The following IKZF3 variants were observed in gnomAD, a reference collection of about 807,000 sequenced individuals.
The protein encoded by IKZF3 is zinc finger protein Aiolos.
In IKZF3, 10 loss-of-function variants were observed where a neutral mutation model predicts 49.0. The observed-to-expected ratio is 0.20, with a 90% confidence interval of 0.13 to 0.35. The LOEUF is 0.35. Ranked by LOEUF, IKZF3 falls within the 10% of genes least tolerant of loss-of-function variation. The probability of loss-of-function intolerance (pLI) is 1.00; values close to 1 mark genes in which losing one functional copy is unlikely to be tolerated. For synonymous variants in IKZF3, 209 were observed against 228.2 expected, an observed-to-expected ratio of 0.92 and a Z score of 0.76; for missense variants, 498 against 664.8, an observed-to-expected ratio of 0.75 and a Z score of 2.76.
chr17:39,824,581 C>A (rs954061719), intron 3 of IKZF3, among the ~76,000 whole-genome samples: 3 of 152,058 alleles, frequency 2.0e-5, no homozygotes, highest in Admixed American at 6.5e-5. Context: ...ATTATCCCCA[C>A]GTGTTGTGAG....
At position 39,794,310 on chromosome 17, in the gene IKZF3, C is replaced by G. The variant is rs560998813; in HGVS notation, c.164-1377G>C. 2.6e-5 allele frequency among the ~76,000 whole-genome samples: 4 copies of G among 152,236 alleles called. No homozygotes were observed. The South Asian group carries it at 8.3e-4, about 32-fold the overall frequency. On this transcript the variant is annotated intron_variant, in intron 3 of 7. Transcript: ENST00000346872. Reference sequence around the variant, plus strand: ...CTTACCAACTGTATTACACACCCTCCCATCAATGGTGTAAATGTTAAAACC... The same window carrying G: ...CTTACCAACTGTATTACACACCCTCGCATCAATGGTGTAAATGTTAAAACC...
intron 3 of IKZF3, among the ~76,000 whole-genome samples, chr17:39,829,009 A>T (rs1202718063): frequency 2.0e-5 from 3 of 152,132 alleles, no homozygotes; most frequent in African/African-American, 7.2e-5. Flanking sequence ...TCAAAAAAAA[A>T]TAATAATAAT....
chr17:39,776,775 A>G (rs999171061), intron 7 of IKZF3, among the ~76,000 whole-genome samples: 1 of 152,254 alleles, frequency 6.6e-6, no homozygotes, highest in African/African-American at 2.4e-5. Context: ...TAAATACAAA[A>G]GGACTGAAAT....
chr17:39,772,626 G>C (rs757191332), intron 7 of IKZF3, among the ~76,000 whole-genome samples: 1 of 152,134 alleles, frequency 6.6e-6, no homozygotes, highest in Non-Finnish European at 1.5e-5. Context: ...AGAGAGCTGT[G>C]GGGGTGGCAC....
intron 1 of IKZF3, chr17:39,839,635 G>C (rs2062406971): frequency 1.1e-5 from 4 of 371,536 alleles, no homozygotes; most frequent in Non-Finnish European, 2.1e-5. Context: ...CCAGGCTGGA[G>C]TGCAGTGGTA....
chr17:39,856,870 G>A (rs529768076), intron 1 of IKZF3, among the ~76,000 whole-genome samples: 1 of 151,782 alleles, frequency 6.6e-6, no homozygotes, highest in South Asian at 2.1e-4. Context: ...AAAAAGACCA[G>A]CAGCACCATG....
intron 3 of IKZF3, among the ~76,000 whole-genome samples, chr17:39,821,914 T>G (rs535119685): frequency 2.6e-5 from 4 of 152,102 alleles, no homozygotes; most frequent in Non-Finnish European, 5.9e-5. Context: ...AATAAATAAT[T>G]TAGGGGCAGT....
intron 3 of IKZF3, among the ~76,000 whole-genome samples, chr17:39,798,996 C>CGCGT (rs1555631871): frequency 2.0e-5 from 3 of 148,982 alleles, no homozygotes; most frequent in Non-Finnish European, 4.5e-5. Flanking sequence ...TGTGTGTGTG[C>CGCGT]GTGTGTGTGT....
At chr17:39,822,600 T>C (rs2061840176) in intron 3 of IKZF3, among the ~76,000 whole-genome samples, 1 of 148,198 alleles carries the variant, frequency 6.7e-6, no homozygotes, top group African/African-American at 2.6e-5. Flanking sequence ...TTTTTTTTTT[T>C]GAGATGGAGT....
intron 7 of IKZF3, among the ~76,000 whole-genome samples, chr17:39,774,969 T>C (rs2060541898): frequency 6.6e-6 from 1 of 152,200 alleles, no homozygotes; most frequent in South Asian, 2.1e-4. Flanking sequence ...TATCAATAAT[T>C]GCTGCCTTTT....
chr17:39,762,381 A>G lies in IKZF3; in HGVS notation c.*3409T>C, dbSNP rs973758664. 3 of 152,210 alleles carry G rather than the reference A, an allele frequency of 2.0e-5. No individual in the cohort carries two copies. Among genetic ancestry groups the G allele is most frequent in the Non-Finnish European group, 4.4e-5 (3 of 68,044 alleles). 9.4% of individuals were successfully genotyped at this position (152,210 alleles called of 1,614,324 possible). On this transcript the variant is annotated 3_prime_UTR_variant, in exon 8 of 8. Transcript: ENST00000346872. Reference sequence around the variant, plus strand: ...TAAGGATGCAGAGTTTCCACACATAAATTTTTTCTGGAATTGATGGGCCCC... The same window carrying G: ...TAAGGATGCAGAGTTTCCACACATAGATTTTTTCTGGAATTGATGGGCCCC...
chr17:39,792,534 G>T, intron 4 of IKZF3, 139 bp downstream of exon 4: 1 of 821,812 alleles, frequency 1.2e-6, no homozygotes, highest in Non-Finnish European at 1.9e-6. Flanking sequence ...TGAGTGAACA[G>T]CAATGCAGAG....
chr17:39,811,761 A>G (rs2144106546), intron 3 of IKZF3, among the ~76,000 whole-genome samples: 1 of 152,358 alleles, frequency 6.6e-6, no homozygotes, highest in African/African-American at 2.4e-5. Flanking sequence ...GGTTGGATGG[A>G]AAGGCAGAAA....
chr17:39,800,821 G>C (rs1269361349), intron 3 of IKZF3, among the ~76,000 whole-genome samples: 5 of 152,142 alleles, frequency 3.3e-5, no homozygotes, highest in Admixed American at 3.3e-4. Flanking sequence ...AAAAACAATG[G>C]GTCCTGGAAA....
At chr17:39,790,533 A>G (rs2060992378) in intron 5 of IKZF3, among the ~76,000 whole-genome samples, 1 of 152,180 alleles carries the variant, frequency 6.6e-6, no homozygotes, top group Admixed American at 6.5e-5. Context: ...AAAGCAGTAG[A>G]TGTGAACTGA....
intron 3 of IKZF3, 51 bp from the exon 4 acceptor site, chr17:39,792,984 C>T: frequency 6.4e-7 from 1 of 1,572,638 alleles, no homozygotes; most frequent in Non-Finnish European, 8.6e-7. Flanking sequence ...TTGAAGCTAT[C>T]AAAGCAGCTC....
At chr17:39,823,653 G>A (rs566575165) in intron 3 of IKZF3, among the ~76,000 whole-genome samples, 6 of 152,282 alleles carry the variant, frequency 3.9e-5, no homozygotes, top group African/African-American at 1.2e-4. Flanking sequence ...ATGGTGCTCT[G>A]TGTCCCAGCT....
chr17:39,863,464 T>C (rs929432220), intron 1 of IKZF3, among the ~76,000 whole-genome samples: 2 of 152,154 alleles, frequency 1.3e-5, no homozygotes, highest in African/African-American at 4.8e-5. Context: ...TTAGAAACAC[T>C]TGTTGAAAAG....
chr17:39,858,807 G>T (rs9916259), intron 1 of IKZF3, among the ~76,000 whole-genome samples: 8,641 of 149,868 alleles, frequency 0.058, 384 homozygotes, highest in African/African-American at 0.12. Flanking sequence ...TACATTTTTT[G>T]TTGTTGTTGT....
Sources: gnomAD v4.1 joint callset for allele counts (sites outside exome capture counted in the v4.1 genomes callset) on GRCh38, gnomAD v4.1.1 for gene constraint, MANE v1.5 for transcripts, NCBI Gene and HGNC (gene_info 2026-07-23, HGNC 2026-07-21) for gene names.